Variants in SSBP4 observed in about 807,000 individuals in gnomAD.
SSBP4 encodes the protein single-stranded DNA-binding protein 4.
Under a neutral mutation model 64.6 loss-of-function variants are expected in SSBP4, and 33 were observed. The ratio of observed to expected loss-of-function variants is 0.51; its 90% confidence interval spans 0.39 to 0.68. The LOEUF (loss-of-function observed/expected upper bound fraction) is 0.68, where lower values mean the gene tolerates loss of function less well. Ranked by LOEUF, SSBP4 falls within the 30% of genes least tolerant of loss-of-function variation. SSBP4 has a pLI of 0.00. For missense variants in SSBP4, 583 were observed against 566.8 expected (o/e 1.03, Z -0.29); for synonymous variants, 243 against 224.0 (o/e 1.08, Z -0.76).
At chr19:18,411,697 T>C in the SSBP4 span, among the ~76,000 whole-genome samples, 3 of 152,192 alleles carry the variant, frequency 2.0e-5, no homozygotes, top group Admixed American at 2.0e-4. Context: ...CCTGGATGCA[T>C]TTAACATAAT....
intron 1 of SSBP4, among the ~76,000 whole-genome samples, chr19:18,420,623 G>A (rs769754505): frequency 6.6e-6 from 1 of 152,110 alleles, no homozygotes; most frequent in Admixed American, 6.5e-5. Flanking sequence ...ACTTTGGGAG[G>A]CCGAGGCGGT....
chr19:18,429,201 G>A (rs1027062502), intron 4 of SSBP4, among the ~76,000 whole-genome samples: 4 of 152,100 alleles, frequency 2.6e-5, no homozygotes, highest in African/African-American at 7.2e-5. Flanking sequence ...GAGCCTGCAC[G>A]GAGGCGGCCC....
chr19:18,405,031 G>A, the SSBP4 span, among the ~76,000 whole-genome samples: 355 of 145,980 alleles, frequency 2.4e-3, 2 homozygotes, highest in African/African-American at 8.4e-3. Flanking sequence ...CAGGCAAGAA[G>A]CTCCCTGGGG....
At chr19:18,404,097 C>T in the SSBP4 span, among the ~76,000 whole-genome samples, 1 of 151,962 alleles carries the variant, frequency 6.6e-6, no homozygotes, top group African/African-American at 2.4e-5. Flanking sequence ...CACTTGGGGG[C>T]CACCATAGGC....
upstream of SSBP4, among the ~76,000 whole-genome samples, chr19:18,416,805 C>T (rs1251239312): frequency 1.3e-5 from 2 of 152,234 alleles, no homozygotes; most frequent in African/African-American, 4.8e-5. Context: ...CCTCCCCGCC[C>T]TGCCCGTCCT....
At chr19:18,414,032 C>CAAA (rs530358060), upstream of SSBP4, among the ~76,000 whole-genome samples, 1 of 151,158 alleles carries the variant, frequency 6.6e-6, no homozygotes, top group Admixed American at 6.6e-5. Context: ...AACAAACAAA[C>CAAA]AAAAAAAACG....
intron 17 of SSBP4, 80 bp downstream of exon 17, chr19:18,433,897 G>C (rs1460840737): frequency 1.5e-5 from 19 of 1,284,766 alleles, no homozygotes; most frequent in Non-Finnish European, 1.9e-5. Context: ...GGGGCGGCCG[G>C]GGGGCCAGAG....
chr19:18,434,169 C>T (rs757159886), intron 17 of SSBP4, 48 bp from the exon 18 acceptor site: 9 of 1,608,450 alleles, frequency 5.6e-6, no homozygotes, highest in Non-Finnish European at 7.6e-6. Flanking sequence ...CCAGCCTCTT[C>T]CGGAGCTGAA....
chr19:18,413,010 G>A, the SSBP4 span, among the ~76,000 whole-genome samples: 1 of 152,144 alleles, frequency 6.6e-6, no homozygotes, highest in East Asian at 1.9e-4. Flanking sequence ...CCCTACAGGG[G>A]GCACCAACTG....
At position 18,433,763 on chromosome 19, in the gene SSBP4, C is replaced by A; in HGVS notation, c.1074C>A (p.Asp358Glu). The A allele has an allele frequency of 1.4e-6, 2 of 1,439,130 alleles. No homozygotes were observed. The highest frequency in any genetic ancestry group is 1.8e-6 in the Non-Finnish European group (2 of 1,102,716). 89.1% of individuals were successfully genotyped at this position (1,439,130 alleles called of 1,614,324 possible). A position where few individuals can be genotyped will look rare whatever the true frequency, so the allele number is the denominator to read the frequency against. The change falls in exon 17 of 18, where the codon GAC becomes GAA. Residue 358 changes from aspartate (D) to glutamate (E), a missense_variant. By Grantham distance (45) the Asp-to-Glu change is conservative. Around this residue, in one of 5 missense-constraint regions of SSBP4, gnomAD observed 31 missense variants for 58.5 expected, o/e 0.53. Coordinates refer to ENST00000270061, the MANE Select transcript of SSBP4 (RefSeq NM_032627.5). ...GCAACGCCCCGGGCACCCCGCGGGA[C>A]GACGGCGAGATGGCGGCCGCCGGGA... ...GLSNAPGTPR[D>E]DGEMAAAGTF... is the part of the protein sequence containing the mutation.
At chr19:18,408,870 G>A in the SSBP4 span, among the ~76,000 whole-genome samples, 1 of 152,156 alleles carries the variant, frequency 6.6e-6, no homozygotes, top group African/African-American at 2.4e-5. Flanking sequence ...CTGGAGTGCA[G>A]TGGCGTGATC....
chr19:18,431,446 C>A, intron 6 of SSBP4, 28 bp downstream of exon 6: 1 of 1,330,324 alleles, frequency 7.5e-7, no homozygotes, highest in Non-Finnish European at 1.0e-6. Flanking sequence ...CTGCCCCTCA[C>A]ACACACACAT....
rs765372134 is a variant in SSBP4, at chr19:18,427,926, C to T, written c.223C>T (p.Pro75Ser). The T allele has an allele frequency of 3.1e-6, 5 of 1,613,838 alleles. No homozygotes were observed. The highest frequency in any genetic ancestry group is 1.7e-4 in the Middle Eastern group (1 of 6,058). ...CTTCTGGGACCTGTACTGCGCGGCG[C>T]CTGACAGAAGAGAGGCCTGCGAGCA... ...CVFWDLYCAAPDRREACEHSG... is the reference protein window; with the variant it reads ...CVFWDLYCAASDRREACEHSG... Residue 75 changes from proline to serine, a missense_variant, in exon 4 of 18, where the codon CCT (proline) becomes TCT (serine). Around this residue, in one of 5 missense-constraint regions of SSBP4, gnomAD observed 43 missense variants for 74.2 expected, o/e 0.58. Coordinates refer to ENST00000270061, the MANE Select transcript of SSBP4 (RefSeq NM_032627.5). The surrounding 1 kb of genome is among the most constrained non-coding windows in gnomAD (Gnocchi z 4.4).
In SSBP4 at chr19:18,423,157, CAA is replaced by C. The variant is rs1972578038; in HGVS notation, c.59+3451_59+3452del. On this transcript the variant is annotated intron_variant, in intron 1 of 17. Transcript: ENST00000270061. The surrounding 1 kb of genome is among the most constrained non-coding windows in gnomAD (Gnocchi z 4.0). Reference sequence around the variant, plus strand: ...GGGCATGTGTATATCCTTCAGCACTCAAGTGTTGCCAGGCAGGTTGAGAAGAG... The same window carrying C: ...GGGCATGTGTATATCCTTCAGCACTCGTGTTGCCAGGCAGGTTGAGAAGAG... Among the ~76,000 whole-genome samples the C allele has an allele frequency of 6.6e-6, 1 of 152,178 alleles. No individual in the cohort carries two copies. The highest frequency in any genetic ancestry group is 1.5e-5 in the Non-Finnish European group (1 of 68,038).
At chr19:18,434,031 C>G in intron 17 of SSBP4, 186 bp from the exon 18 acceptor site, 1 of 1,296,744 alleles carries the variant, frequency 7.7e-7, no homozygotes, top group Non-Finnish European at 9.8e-7. Flanking sequence ...CATCCGCCCC[C>G]ACCCCGGGAC....
chr19:18,425,217 T>C (rs1972762115), intron 1 of SSBP4, among the ~76,000 whole-genome samples: 1 of 151,424 alleles, frequency 6.6e-6, no homozygotes, highest in East Asian at 1.9e-4. Flanking sequence ...CCTTCAGGAG[T>C]CCCCCTGGGC....
the SSBP4 span, among the ~76,000 whole-genome samples, chr19:18,408,549 G>C: frequency 4.6e-5 from 7 of 151,340 alleles, no homozygotes; most frequent in African/African-American, 1.7e-4. Flanking sequence ...CTGGTGTGCA[G>C]TGGCACCATC....
chr19:18,427,444 T>C lies in SSBP4; in HGVS notation c.132+21T>C, dbSNP rs1972935443. 1.2e-6 allele frequency: 2 copies of C among 1,606,756 alleles called. No individual in the cohort carries two copies. The highest frequency in any genetic ancestry group is 2.7e-5 in the African/African-American group (2 of 75,022). ...CTGAGGTAAGCCACCACCTCCAGGC[T>C]GGCCCTCCCTCCTCACCCACACTCC... On this transcript the variant is annotated intron_variant, in intron 2 of 17. Coordinates refer to ENST00000270061, the MANE Select transcript of SSBP4 (RefSeq NM_032627.5). The surrounding 1 kb of genome is among the most constrained non-coding windows in gnomAD (Gnocchi z 4.4).
chr19:18,408,279 C>T, the SSBP4 span, among the ~76,000 whole-genome samples: 2 of 152,182 alleles, frequency 1.3e-5, no homozygotes, highest in Non-Finnish European at 2.9e-5. Flanking sequence ...GCCTCCGCTC[C>T]CTCCACCCTC....
Sources: gnomAD v4.1 joint callset for allele counts (sites outside exome capture counted in the v4.1 genomes callset) on GRCh38, gnomAD v4.1.1 for gene constraint, gnomAD v4.1.1 regional missense constraint, Gnocchi (gnomAD v3.1) non-coding constraint, MANE v1.5 for transcripts, NCBI Gene and HGNC (gene_info 2026-07-23, HGNC 2026-07-21) for gene names.